The following NR3C2 variants were observed in gnomAD, a reference collection of about 807,000 sequenced individuals.
The protein encoded by NR3C2 is nuclear receptor subfamily 3 group C member 2.
NR3C2 carries 15 observed loss-of-function variants against 86.4 expected under a neutral mutation model. The observed-to-expected ratio is 0.17, with a 90% confidence interval of 0.12 to 0.27. The LOEUF is 0.27. NR3C2 is among the 10% of genes least tolerant of loss of function. The pLI is 1.00. For synonymous variants in NR3C2, 458 were observed against 450.5 expected (o/e 1.02, Z -0.21); for missense variants, 960 against 1,195.6 (o/e 0.80, Z 2.91).
chr4:148,313,360 A>G (rs535575297), intron 2 of NR3C2, among the ~76,000 whole-genome samples: 4 of 152,318 alleles, frequency 2.6e-5, no homozygotes, highest in South Asian at 4.1e-4. Context: ...CCAATGTGTA[A>G]TATTTGTGAG....
chr4:148,346,543 T>A (rs1745001869), intron 2 of NR3C2, among the ~76,000 whole-genome samples: 1 of 152,000 alleles, frequency 6.6e-6, no homozygotes, highest in African/African-American at 2.4e-5. Context: ...ATACTTGGTA[T>A]TTGTGAGCCT....
At chr4:148,160,597 T>A (rs1490242688) in intron 4 of NR3C2, among the ~76,000 whole-genome samples, 1 of 152,126 alleles carries the variant, frequency 6.6e-6, no homozygotes, top group Non-Finnish European at 1.5e-5. Flanking sequence ...TTACAATATT[T>A]CATTAGAAAA....
At chr4:148,248,887 GT>G (rs1271166049) in intron 3 of NR3C2, among the ~76,000 whole-genome samples, 3 of 152,144 alleles carry the variant, frequency 2.0e-5, no homozygotes, top group African/African-American at 7.2e-5. Flanking sequence ...CTCCCTTGCT[GT>G]TTCTAAAGCA....
intron 8 of NR3C2, among the ~76,000 whole-genome samples, chr4:148,103,497 C>T (rs1250096314): frequency 2.6e-5 from 4 of 152,164 alleles, no homozygotes; most frequent in Non-Finnish European, 5.9e-5. Flanking sequence ...TGCACGTACC[C>T]GTAGAGGCTG....
In NR3C2 at chr4:148,114,097, T is replaced by TA; in HGVS notation, c.2799+6dup. The stretch of plus-strand genomic sequence containing the variant: ...TCACTTAGGAACCAAGGAGGGGCTC[T>TA]ACTCACGTCATGCATGGAGTCCAGC... On this transcript the variant is annotated splice_region_variant and intron_variant, in intron 8 of 8. Coordinates refer to ENST00000358102, the MANE Select transcript of NR3C2 (RefSeq NM_000901.5). 1.2e-6 allele frequency: 2 copies of TA among 1,612,800 alleles called. No homozygotes were observed. Among genetic ancestry groups the TA allele is most frequent in the Non-Finnish European group, 1.7e-6 (2 of 1,179,720 alleles).
intron 1 of NR3C2, among the ~76,000 whole-genome samples, chr4:148,440,303 A>G (rs1420191268): frequency 6.6e-6 from 1 of 152,226 alleles, no homozygotes; most frequent in Non-Finnish European, 1.5e-5. Context: ...TTTATTTACT[A>G]TGTCATCCAG....
chr4:148,379,549 C>T (rs1029804625), intron 2 of NR3C2, among the ~76,000 whole-genome samples: 6 of 152,138 alleles, frequency 3.9e-5, no homozygotes, highest in African/African-American at 1.4e-4. Context: ...AGCTGAATTT[C>T]CAAAGGGGTC....
chr4:148,122,248 C>T (rs527723747), intron 6 of NR3C2, among the ~76,000 whole-genome samples: 19 of 152,162 alleles, frequency 1.2e-4, no homozygotes, highest in African/African-American at 4.1e-4. Flanking sequence ...CCCATTTTTT[C>T]CTTCTCGCAC....
chr4:148,120,325 G>A, intron 6 of NR3C2, 37 bp from the exon 7 acceptor site: 4 of 1,613,324 alleles, frequency 2.5e-6, no homozygotes, highest in South Asian at 1.1e-5. Context: ...GAGAATGCAA[G>A]ATTCATTATC....
At chr4:148,210,455 T>C (rs1737228114) in intron 3 of NR3C2, among the ~76,000 whole-genome samples, 1 of 152,346 alleles carries the variant, frequency 6.6e-6, no homozygotes, top group African/African-American at 2.4e-5. Flanking sequence ...GCTCCCAAAG[T>C]GCTGGGATTA....
At chr4:148,235,226 C>A (rs1358183991) in intron 3 of NR3C2, among the ~76,000 whole-genome samples, 1 of 149,282 alleles carries the variant, frequency 6.7e-6, no homozygotes, top group Non-Finnish European at 1.5e-5. Flanking sequence ...GAGGATTATT[C>A]TTTTAATAAT....
rs1199861091 is a variant in NR3C2, at chr4:148,154,835, G to GGCT, written c.2078_2080dup (p.Gln693dup). 7.4e-7 allele frequency: 1 copy of GGCT among 1,356,240 alleles called. No homozygotes were observed. Among genetic ancestry groups the GGCT allele is most frequent in the South Asian group, 1.2e-5 (1 of 84,562 alleles). The allele number at this position is 1,356,240 out of a possible 1,614,324, so 84.0% of individuals were successfully genotyped here. A position where few individuals can be genotyped will look rare whatever the true frequency, so the allele number is the denominator to read the frequency against. ...TTGCGGGGGTGGGGGTGGGGGTGGG[G>GGCT]GCTGCTGCTGCTGTGGCTGCTCCTC... On this transcript the variant is annotated inframe_insertion, in exon 5 of 9. Transcript: ENST00000358102.
rs1409730244 is a variant in NR3C2 at position 148,079,142 on chromosome 4, T to TAAG, written c.*2199_*2201dup. The TAAG allele has an allele frequency of 2.0e-5, 3 of 152,394 alleles. No individual in the cohort carries two copies. Among genetic ancestry groups the TAAG allele is most frequent in the African/African-American group, 4.8e-5 (2 of 41,446 alleles). The allele number at this position is 152,394 out of a possible 1,614,324, so 9.4% of individuals were successfully genotyped here. ...GTCAGAATTCCCATTTTATAAAAAC[T>TAAG]AAGTCTGAACTAAAAGCTGCTTTTG... On this transcript the variant is annotated 3_prime_UTR_variant, in exon 9 of 9. Coordinates refer to ENST00000358102, the MANE Select transcript of NR3C2 (RefSeq NM_000901.5).
At chr4:148,142,539 G>C (rs2149754851) in intron 6 of NR3C2, among the ~76,000 whole-genome samples, 1 of 152,332 alleles carries the variant, frequency 6.6e-6, no homozygotes, top group East Asian at 1.9e-4. Context: ...CTGTCACCCA[G>C]GCTGGAGTGC....
chr4:148,235,812 C>T (rs982363889), intron 3 of NR3C2, among the ~76,000 whole-genome samples: 4 of 152,236 alleles, frequency 2.6e-5, no homozygotes, highest in East Asian at 1.9e-4. Context: ...TGTTTTAGAA[C>T]CATGTCTATT....
chr4:148,245,920 TG>T (rs1355084915), intron 3 of NR3C2, among the ~76,000 whole-genome samples: 1 of 152,142 alleles, frequency 6.6e-6, no homozygotes, highest in Non-Finnish European at 1.5e-5. Context: ...TCTTAAGCAG[TG>T]GGAAGAATAC....
intron 4 of NR3C2, among the ~76,000 whole-genome samples, chr4:148,175,664 C>T (rs1356605577): frequency 1.3e-5 from 2 of 152,088 alleles, no homozygotes; most frequent in Admixed American, 6.6e-5. Flanking sequence ...TCCAACATGT[C>T]TTTCATTTCT....
At chr4:148,335,406 G>A (rs893611376) in intron 2 of NR3C2, among the ~76,000 whole-genome samples, 7 of 152,148 alleles carry the variant, frequency 4.6e-5, no homozygotes, top group African/African-American at 1.4e-4. Flanking sequence ...TTCTCGTAAT[G>A]AGAAAATTTC....
At chr4:148,394,835 G>C (rs1354494561) in intron 2 of NR3C2, among the ~76,000 whole-genome samples, 1 of 152,186 alleles carries the variant, frequency 6.6e-6, no homozygotes, top group Non-Finnish European at 1.5e-5. Context: ...TTACTTGAAA[G>C]ATGGAAATGA....
Sources: allele counts gnomAD v4.1 joint callset (sites outside exome capture counted in the v4.1 genomes callset), GRCh38; gene constraint gnomAD v4.1.1; transcripts MANE v1.5; gene names NCBI Gene and HGNC (gene_info 2026-07-23, HGNC 2026-07-21).